HDAC5: variants seen among roughly 807,000 people sequenced by gnomAD.
HDAC5 encodes the protein histone deacetylase 5.
A neutral mutation model predicts 133.3 loss-of-function variants in HDAC5; 25 were observed. The ratio of observed to expected loss-of-function variants is 0.19; its 90% confidence interval spans 0.14 to 0.26. The LOEUF is 0.26. Ranked by LOEUF, HDAC5 falls within the 10% of genes least tolerant of loss-of-function variation. The pLI is 1.00. For missense variants in HDAC5, 1,041 were observed against 1,460.5 expected (o/e 0.71, Z 4.68); for synonymous variants, 589 against 610.8 (o/e 0.96, Z 0.53).
chr17:44,085,383 G>A (rs2050598593), intron 14 of HDAC5: 2 of 380,270 alleles, frequency 5.3e-6, no homozygotes, highest in African/African-American at 2.1e-5. Context: ...CTGGAGTGGA[G>A]TGTGTAGTGG....
rs1466241873 is a variant in HDAC5 at position 44,096,383 on chromosome 17, C to T, written c.95-2549G>A. Among the ~76,000 whole-genome samples the T allele has an allele frequency of 3.3e-5, 5 of 151,738 alleles. No homozygotes were observed. The East Asian group carries it at 7.7e-4, about 23-fold the overall frequency. On this transcript the variant is annotated intron_variant, in intron 3 of 26. Coordinates refer to ENST00000682912, the MANE Select transcript of HDAC5 (RefSeq NM_005474.5). ...CCTTCTGGCTACCAGTATCTTCTGCCTTCATGAGCTGGCCTCTCTCCAGAC... is the reference window on the plus strand; with the variant it reads ...CCTTCTGGCTACCAGTATCTTCTGCTTTCATGAGCTGGCCTCTCTCCAGAC...
At chr17:44,113,838 C>T (rs1264046552) in intron 2 of HDAC5, among the ~76,000 whole-genome samples, 1 of 152,352 alleles carries the variant, frequency 6.6e-6, no homozygotes, top group African/African-American at 2.4e-5. Context: ...AAAGCAAGGT[C>T]TGCTTAGTGT....
intron 2 of HDAC5, chr17:44,115,905 C>G (rs541972289): frequency 4.0e-4 from 61 of 152,336 alleles, no homozygotes; most frequent in African/African-American, 1.4e-3. Context: ...CAGCCTCCTG[C>G]GTTGGTGGAC....
chr17:44,096,133 C>T (rs1479916013), intron 3 of HDAC5, among the ~76,000 whole-genome samples: 1 of 152,176 alleles, frequency 6.6e-6, no homozygotes, highest in Non-Finnish European at 1.5e-5. Flanking sequence ...CCAGCCCAAG[C>T]CCCACAAAGT....
Position 44,100,081 on chromosome 17 carries a change from A to G in HDAC5, c.95-6247T>C, listed in dbSNP as rs554836188. On this transcript the variant is annotated intron_variant, in intron 3 of 26. Coordinates refer to ENST00000682912, the MANE Select transcript of HDAC5 (RefSeq NM_005474.5). ...GCCTTAGTCTAAAAAAACGGTGTCC[A>G]GGCAAAGAGACACTGCCTCCAAATA... is the stretch of plus-strand genomic sequence containing the variant. Among the ~76,000 whole-genome samples, 35 of 152,206 alleles carry G rather than the reference A, an allele frequency of 2.3e-4. 1 individual carries two copies. Among genetic ancestry groups the G allele is most frequent in the Non-Finnish European group, 4.6e-4 (31 of 68,040 alleles).
At chr17:44,099,934 C>A (rs2051490677) in intron 3 of HDAC5, among the ~76,000 whole-genome samples, 1 of 152,206 alleles carries the variant, frequency 6.6e-6, no homozygotes, top group Admixed American at 6.5e-5. Flanking sequence ...TCTTCAGGAA[C>A]CCCATCAGCC....
intron 3 of HDAC5, among the ~76,000 whole-genome samples, chr17:44,107,595 G>A (rs1330636590): frequency 2.3e-5 from 3 of 129,898 alleles, no homozygotes; most frequent in African/African-American, 8.8e-5. Context: ...GCAAAAGAGG[G>A]AGACTCCGTA....
chr17:44,098,802 G>A (rs1452649973), intron 3 of HDAC5, among the ~76,000 whole-genome samples: 1 of 151,032 alleles, frequency 6.6e-6, no homozygotes, highest in Non-Finnish European at 1.5e-5. Flanking sequence ...CAGGCCAAGA[G>A]CTCTGGCTAG....
chr17:44,090,215 A>G (rs907978001), intron 11 of HDAC5, among the ~76,000 whole-genome samples: 4 of 152,128 alleles, frequency 2.6e-5, no homozygotes, highest in Admixed American at 2.0e-4. Context: ...CTTGGGCAAC[A>G]GAGCGAGACT....
intron 15 of HDAC5, 88 bp downstream of exon 15, chr17:44,084,934 G>A: frequency 6.7e-7 from 1 of 1,486,848 alleles, no homozygotes; most frequent in Non-Finnish European, 9.1e-7. Flanking sequence ...AAGAGAGGAT[G>A]AGGAAGAAGC....
At position 44,078,673 on chromosome 17, in the gene HDAC5, CGA is replaced by C. The variant is rs752696978; in HGVS notation, c.3164-10_3164-9del. ...CACAGCTCCAGTGTTTGCCTGTGGA[CGA>C]GAGACAGGCAAGGGGTCAGGGAGGG... On this transcript the variant is annotated splice_polypyrimidine_tract_variant and intron_variant, in intron 25 of 26. Transcript: ENST00000682912. 13 of 1,604,230 alleles carry C rather than the reference CGA, an allele frequency of 8.1e-6. No homozygotes were observed. The highest frequency in any genetic ancestry group is 1.1e-5 in the Non-Finnish European group (13 of 1,177,104).
Position 44,080,501 on chromosome 17 carries a change from G to T in HDAC5, c.2728-3C>A, listed in dbSNP as rs770837519. ...CCCACGCCTGGTCCTCCACCAACCTGGCACCAGAGTTGGGGAGAGGGCTAT... is the reference window on the plus strand; with the variant it reads ...CCCACGCCTGGTCCTCCACCAACCTTGCACCAGAGTTGGGGAGAGGGCTAT... On this transcript the variant is annotated splice_region_variant and splice_polypyrimidine_tract_variant and intron_variant, in intron 21 of 26. Transcript: ENST00000682912. The T allele has an allele frequency of 1.2e-6, 2 of 1,613,804 alleles. No individual in the cohort carries two copies.
chr17:44,117,590 G>T lies in HDAC5; in HGVS notation c.-75C>A, dbSNP rs1361075500. On this transcript the variant is annotated 5_prime_UTR_variant, in exon 2 of 27. Transcript: ENST00000682912. The surrounding 1 kb of genome is among the most constrained non-coding windows in gnomAD (Gnocchi z 4.2). ...GGGTGGAGCTGCGGTGATGTCAAGA[G>T]AGACAGACGATAACAGACAGACGGA... 8 of 1,540,708 alleles carry T rather than the reference G, an allele frequency of 5.2e-6. No homozygotes were observed. Among genetic ancestry groups the T allele is most frequent in the Non-Finnish European group, 7.1e-6 (8 of 1,120,146 alleles).
At chr17:44,109,061 G>A (rs2052174139) in intron 3 of HDAC5, among the ~76,000 whole-genome samples, 1 of 152,164 alleles carries the variant, frequency 6.6e-6, no homozygotes. Flanking sequence ...CAGCCTGCAA[G>A]GTTTCTGGGG....
chr17:44,082,313 A>C (rs1287076822), intron 20 of HDAC5: 1 of 519,014 alleles, frequency 1.9e-6, no homozygotes, highest in Non-Finnish European at 3.5e-6. Flanking sequence ...TCAAGGTAGG[A>C]AATCCCCTTC....
intron 11 of HDAC5, among the ~76,000 whole-genome samples, chr17:44,090,569 T>G (rs1355706645): frequency 6.6e-6 from 1 of 151,140 alleles, no homozygotes; most frequent in African/African-American, 2.4e-5. Context: ...GAGATGGGAT[T>G]TCACCATGTT....
chr17:44,116,540 T>A (rs374474980), intron 2 of HDAC5, among the ~76,000 whole-genome samples: 1 of 152,128 alleles, frequency 6.6e-6, no homozygotes, highest in Admixed American at 6.5e-5. Context: ...AATTGCCCTA[T>A]CTCTAAAAGG....
chr17:44,096,601 G>A (rs2051287920), intron 3 of HDAC5, among the ~76,000 whole-genome samples: 1 of 144,984 alleles, frequency 6.9e-6, no homozygotes, highest in Admixed American at 6.7e-5. Context: ...AGCCCCGCAA[G>A]TAGCTGGGAT....
At chr17:44,111,353 A>G in intron 2 of HDAC5, 3 of 310,428 alleles carry the variant, frequency 9.7e-6, no homozygotes, top group Admixed American at 4.0e-5. Flanking sequence ...ATGGGGGGGG[A>G]GGCGGTTCTA....
Sources: allele counts gnomAD v4.1 joint callset (sites outside exome capture counted in the v4.1 genomes callset), GRCh38; gene constraint gnomAD v4.1.1; non-coding constraint Gnocchi (gnomAD v3.1); transcripts MANE v1.5; gene names NCBI Gene and HGNC (gene_info 2026-07-23, HGNC 2026-07-21).